Variants in TACC2 observed in about 807,000 individuals in gnomAD.
The protein encoded by TACC2 is transforming acidic coiled-coil-containing protein 2.
In TACC2, 137 loss-of-function variants were observed where a neutral mutation model predicts 227.3. The ratio of observed to expected loss-of-function variants is 0.60; its 90% CI spans 0.52 to 0.69. The LOEUF (loss-of-function observed/expected upper bound fraction) is 0.69. TACC2 is among the 30% of genes least tolerant of loss of function. TACC2 has a pLI of 0.00. For synonymous variants in TACC2, 1,523 were observed against 1,487.5 expected, an observed-to-expected ratio of 1.02 and a Z score of -0.55; for missense variants, 3,470 against 3,694.4, an observed-to-expected ratio of 0.94 and a Z score of 1.57.
chr10:122,087,596 C>T lies in TACC2; in HGVS notation c.5096C>T (p.Ala1699Val). Residue 1699 changes from alanine (A) to valine (V), a missense_variant, in exon 4 of 23, where the codon GCA becomes GTA. This residue lies in a region of TACC2 where 1,924 missense variants were observed against 1,978.3 expected (regional missense o/e 0.97). Transcript: ENST00000369005. The part of the protein sequence containing the change: ...ADTPLEPGKV[A>V]GAAGEAEGDI... The stretch of plus-strand genomic sequence containing the variant: ...ACTCCCCTGGAGCCTGGCAAGGTGG[C>T]AGGCGCTGCTGGGGAAGCAGAGGGT... The T allele has an allele frequency of 6.2e-7, 1 of 1,613,668 alleles. No individual in the cohort carries two copies. The highest frequency in any genetic ancestry group is 8.5e-7 in the Non-Finnish European group (1 of 1,180,026).
chr10:122,184,228 C>T (rs7906656), intron 7 of TACC2, among the ~76,000 whole-genome samples: 13,648 of 152,136 alleles, frequency 0.09, 984 homozygotes, highest in East Asian at 0.3. Context: ...CATCAGCCTC[C>T]GATGCAGAAT....
Position 122,237,967 on chromosome 10 carries a change from A to G in TACC2, c.8278A>G (p.Thr2760Ala), listed in dbSNP as rs2095893143. 2 of 1,613,690 alleles carry G rather than the reference A, an allele frequency of 1.2e-6. No homozygotes were observed. The highest frequency in any genetic ancestry group is 1.3e-5 in the African/African-American group (1 of 75,054). Residue 2760 changes from threonine to alanine, a missense_variant, in exon 18 of 23, where the codon ACC (threonine) becomes GCC (alanine). This residue lies in a region of TACC2 where 345 missense variants were observed against 354.4 expected (regional missense o/e 0.97). Transcript: ENST00000369005. ...TTCTTCTCTCTGAAACTAGATCATAACCAAGGAGAGAGAGGTCTCAGAATG... is the reference window on the plus strand; with the variant it reads ...TTCTTCTCTCTGAAACTAGATCATAGCCAAGGAGAGAGAGGTCTCAGAATG... Reference protein sequence around the residue: ...ALQIARAEIITKEREVSEWKD... With the variant: ...ALQIARAEIIAKEREVSEWKD...
rs138033306 is a variant in TACC2, at chr10:122,234,085, G to A, written c.8128-3310G>A. 5.3e-3 allele frequency among the ~76,000 whole-genome samples: 811 copies of A among 152,284 alleles called. 2 individuals carry two copies. The highest frequency in any genetic ancestry group is 0.01 in the Middle Eastern group (3 of 294). ...GCCTCACCCCTCCGTGGCCCCTCTG[G>A]CATGGCTCTCCCAGCCTCGGATGGC... On this transcript the variant is annotated intron_variant, in intron 16 of 22. Transcript: ENST00000369005.
chr10:122,211,732 A>G, intron 9 of TACC2, 24 bp downstream of exon 9: 1 of 1,526,048 alleles, frequency 6.6e-7, no homozygotes, highest in Non-Finnish European at 8.8e-7. Context: ...TGGAGGTGGT[A>G]AGGATCAGAG....
intron 22 of TACC2, among the ~76,000 whole-genome samples, chr10:122,251,311 A>C (rs74960045): frequency 1.8e-3 from 273 of 152,278 alleles, no homozygotes; most frequent in Middle Eastern, 6.8e-3. Flanking sequence ...TGGAATATGC[A>C]TATGTTCAAC....
At chr10:122,204,774 A>G (rs1354090283) in intron 8 of TACC2, among the ~76,000 whole-genome samples, 16 of 151,990 alleles carry the variant, frequency 1.1e-4, no homozygotes, top group Admixed American at 9.2e-4. Flanking sequence ...GCAATGAGCT[A>G]TGATAACGCC....
rs530487439 is a variant in TACC2 at position 122,150,767 on chromosome 10, C to T, written c.5834+7061C>T. Reference sequence around the variant, plus strand: ...ACTTCGCTGTCAGGAGAAGGACCTGCTGAGCGCTGGAGTCTAGGTGGAGTC... The same window carrying T: ...ACTTCGCTGTCAGGAGAAGGACCTGTTGAGCGCTGGAGTCTAGGTGGAGTC... On this transcript the variant is annotated intron_variant, in intron 7 of 22. Transcript: ENST00000369005. This position sits in a 1 kb window ranked among gnomAD's most constrained non-coding sequence, Gnocchi z 4.0. Among the ~76,000 whole-genome samples the T allele has an allele frequency of 6.6e-6, 1 of 152,334 alleles. No homozygotes were observed. The highest frequency in any genetic ancestry group is 6.5e-5 in the Admixed American group (1 of 15,306).
chr10:122,222,904 T>C (rs1273602340), intron 11 of TACC2, among the ~76,000 whole-genome samples: 1 of 152,210 alleles, frequency 6.6e-6, no homozygotes. Context: ...GATTCACTAT[T>C]ATTTTCTCAA....
chr10:122,221,002 A>G (rs1338014998), intron 11 of TACC2, among the ~76,000 whole-genome samples: 4 of 152,194 alleles, frequency 2.6e-5, no homozygotes, highest in African/African-American at 7.2e-5. Context: ...GCGTCTGTAG[A>G]ATGAGGCTGT....
intron 11 of TACC2, among the ~76,000 whole-genome samples, chr10:122,219,203 G>T (rs1327168066): frequency 6.6e-6 from 1 of 151,606 alleles, no homozygotes; most frequent in African/African-American, 2.4e-5. Flanking sequence ...CCGCCTGCTG[G>T]AACACCCTTC....
intron 16 of TACC2, 115 bp from the exon 17 acceptor site, chr10:122,237,280 A>G: frequency 1.0e-6 from 1 of 1,003,952 alleles, no homozygotes; most frequent in East Asian, 2.7e-5. Flanking sequence ...CATACTTTTG[A>G]TGTTCTTTGT....
intron 16 of TACC2, among the ~76,000 whole-genome samples, chr10:122,234,089 G>A (rs1052175282): frequency 3.9e-5 from 6 of 152,208 alleles, no homozygotes; most frequent in African/African-American, 1.4e-4. Context: ...CCTCTGGCAT[G>A]GCTCTCCCAG....
rs1030944042 is a variant in TACC2, at chr10:121,990,203, C to T, written c.-46+715C>T. Among the ~76,000 whole-genome samples, 5 of 151,932 alleles carry T rather than the reference C, an allele frequency of 3.3e-5. No homozygotes were observed. In the South Asian group the frequency reaches 6.2e-4, roughly 19 times the overall value. ...ATGGTTCATTGCAGCCTCGACCTCC[C>T]GGGCTAACGCAATCCTCCCACCAGG... On this transcript the variant is annotated intron_variant, in intron 1 of 22. Transcript: ENST00000369005.
intron 3 of TACC2, among the ~76,000 whole-genome samples, chr10:122,058,391 G>A (rs561889967): frequency 1.3e-5 from 2 of 151,962 alleles, no homozygotes; most frequent in African/African-American, 2.4e-5. Flanking sequence ...TGGCCAGCCT[G>A]CAGGCTGCAA....
chr10:122,159,361 G>GCCCGGCAC (rs2092684876), intron 7 of TACC2, among the ~76,000 whole-genome samples: 2 of 152,332 alleles, frequency 1.3e-5, no homozygotes, highest in East Asian at 1.9e-4. Flanking sequence ...GGTGGAGAAA[G>GCCCGGCAC]CCCGGCACCG....
chr10:122,111,439 TG>T (rs2083589218), intron 5 of TACC2, among the ~76,000 whole-genome samples: 1 of 151,662 alleles, frequency 6.6e-6, no homozygotes, highest in South Asian at 2.1e-4. Flanking sequence ...GCTTACATGG[TG>T]GTGAGTGGTG....
intron 3 of TACC2, among the ~76,000 whole-genome samples, chr10:122,075,369 C>T (rs41361747): frequency 0.064 from 9,739 of 152,040 alleles, 555 homozygotes; most frequent in East Asian, 0.28. Context: ...GAGCTCGTCA[C>T]GTGGCAAATA....
chr10:122,199,099 G>A (rs2094686949), intron 8 of TACC2, among the ~76,000 whole-genome samples: 1 of 152,256 alleles, frequency 6.6e-6, no homozygotes, highest in East Asian at 1.9e-4. Context: ...GGCCCGTGTT[G>A]GGGCCTTGGA....
At chr10:122,116,565 G>T (rs1444049426) in intron 5 of TACC2, among the ~76,000 whole-genome samples, 1 of 152,190 alleles carries the variant, frequency 6.6e-6, no homozygotes, top group African/African-American at 2.4e-5. Flanking sequence ...GCTTATCCCT[G>T]CCCACCTGGC....
Sources: allele counts gnomAD v4.1 joint callset (sites outside exome capture counted in the v4.1 genomes callset), GRCh38; gene constraint gnomAD v4.1.1; regional missense constraint gnomAD v4.1.1; non-coding constraint Gnocchi (gnomAD v3.1); transcripts MANE v1.5; gene names NCBI Gene and HGNC (gene_info 2026-07-23, HGNC 2026-07-21).